The following CCDC88A variants were observed in gnomAD, a reference collection of about 807,000 sequenced individuals.
The protein encoded by CCDC88A is coiled-coil and HOOK domain protein 88A.
A neutral mutation model predicts 234.3 loss-of-function variants in CCDC88A; 54 were observed. That is an observed-to-expected ratio of 0.23 (90% confidence interval 0.19 to 0.29). CCDC88A has a LOEUF of 0.29. CCDC88A is among the 10% of genes least tolerant of loss of function. The pLI, the probability that CCDC88A is intolerant of heterozygous loss-of-function variation, is 1.00. For synonymous variants in CCDC88A, 753 were observed against 737.8 expected, an observed-to-expected ratio of 1.02 and a Z score of -0.33; for missense variants, 1,832 against 2,123.4, an observed-to-expected ratio of 0.86 and a Z score of 2.70.
chr2:55,338,188 C>A (rs1054218667), intron 13 of CCDC88A, among the ~76,000 whole-genome samples: 2 of 152,176 alleles, frequency 1.3e-5, no homozygotes, highest in East Asian at 1.9e-4. Flanking sequence ...ATTTTAATGA[C>A]AACCAAAATA....
intron 22 of CCDC88A, 98 bp downstream of exon 22, chr2:55,315,830 A>C: frequency 1.6e-6 from 1 of 622,730 alleles, no homozygotes; most frequent in Non-Finnish European, 2.6e-6. Flanking sequence ...ATGCCACTAA[A>C]TATATACTAG....
intron 19 of CCDC88A, 74 bp downstream of exon 19, chr2:55,318,769 A>C: frequency 1.7e-6 from 2 of 1,185,296 alleles, no homozygotes; most frequent in Non-Finnish European, 2.3e-6. Context: ...CAATGTTTCC[A>C]TGTTTACCCT....
Position 55,362,383 on chromosome 2 carries a change from C to G in CCDC88A, c.552G>C (p.Glu184Asp), listed in dbSNP as rs1471177664. The G allele has an allele frequency of 2.5e-6, 4 of 1,602,864 alleles. No homozygotes were observed. Among genetic ancestry groups the G allele is most frequent in the Non-Finnish European group, 1.7e-6 (2 of 1,174,702 alleles). Reference protein sequence around the residue: ...QWMEVTDMSQEDIEPLLKNMA... With the variant: ...QWMEVTDMSQDDIEPLLKNMA... ...TATTTTTCAAGAGTGGTTCTATGTC[C>G]TCCTGCGACATATCAGTCACTTCCA... Residue 184 changes from glutamate (E) to aspartate (D), a missense_variant, in exon 7 of 33, where the codon GAG becomes GAC. Glu to Asp is a conservative substitution (Grantham distance 45). Transcript: ENST00000436346.
In CCDC88A at chr2:55,390,053, A is replaced by AAAGAAAG. The variant is rs1553431398; in HGVS notation, c.165-1168_165-1167insCTTTCTT. Among the ~76,000 whole-genome samples the AAAGAAAG allele has an allele frequency of 5.0e-5, 4 of 79,770 alleles. 1 individual carries two copies. The highest frequency in any genetic ancestry group is 8.1e-4 in the South Asian group (2 of 2,474). The allele number at this position is 79,770 out of a possible 152,430, so 52.3% of individuals were successfully genotyped here. The stretch of plus-strand genomic sequence containing the variant: ...GAGACTCAAAAAAAAAAAAAAATAA[A>AAAGAAAG]AAATAAAGATAGAACATTTCAAAGT... On this transcript the variant is annotated intron_variant, in intron 2 of 32. Transcript: ENST00000436346.
chr2:55,400,759 C>T (rs1678475128), intron 2 of CCDC88A, among the ~76,000 whole-genome samples: 1 of 152,090 alleles, frequency 6.6e-6, no homozygotes, highest in Admixed American at 6.6e-5. Flanking sequence ...AGAATGTAAA[C>T]CTGTTGTATG....
At chr2:55,386,905 C>T (rs991092318) in intron 3 of CCDC88A, among the ~76,000 whole-genome samples, 15 of 151,538 alleles carry the variant, frequency 9.9e-5, no homozygotes, top group Non-Finnish European at 1.6e-4. Flanking sequence ...GCTGGGCGCA[C>T]GGCTCATGCC....
At chr2:55,405,276 T>C (rs969509257) in intron 2 of CCDC88A, 3 of 152,122 alleles carry the variant, frequency 2.0e-5, no homozygotes, top group Non-Finnish European at 4.4e-5. Context: ...CACAGATAGG[T>C]TTCCCTGACT....
At chr2:55,381,985 T>A (rs1027064691) in intron 3 of CCDC88A, among the ~76,000 whole-genome samples, 5 of 152,208 alleles carry the variant, frequency 3.3e-5, no homozygotes, top group African/African-American at 4.8e-5. Flanking sequence ...TATCTGTCAG[T>A]TTATCCATGT....
At chr2:55,384,770 C>T (rs1378186278) in intron 3 of CCDC88A, among the ~76,000 whole-genome samples, 1 of 151,252 alleles carries the variant, frequency 6.6e-6, no homozygotes, top group African/African-American at 2.4e-5. Flanking sequence ...AATTCGTGCG[C>T]CTCAGCCTCC....
rs1679804040 is a variant in CCDC88A at position 55,294,600 on chromosome 2, AC to A, written c.5551+996del. The stretch of plus-strand genomic sequence containing the variant: ...ACTGTACATATGTAATATAAAGTAC[AC>A]ATTCTGGAAGAAAAAAAGGAGTGAC... On this transcript the variant is annotated intron_variant, in intron 31 of 32. Coordinates refer to ENST00000436346, the MANE Select transcript of CCDC88A (RefSeq NM_001365480.1). The A allele has an allele frequency of 4.0e-6, 4 of 988,126 alleles. No individual in the cohort carries two copies. The South Asian group carries it at 1.4e-4, about 34-fold the overall frequency. 61.2% of individuals were successfully genotyped at this position (988,126 alleles called of 1,614,324 possible). A position where few individuals can be genotyped will look rare whatever the true frequency, so the allele number is the denominator to read the frequency against.
At chr2:55,391,044 C>T (rs941839061) in intron 2 of CCDC88A, among the ~76,000 whole-genome samples, 3 of 152,204 alleles carry the variant, frequency 2.0e-5, no homozygotes, top group African/African-American at 7.2e-5. Flanking sequence ...TAACCTAAAA[C>T]TCCACAAGGC....
intron 29 of CCDC88A, among the ~76,000 whole-genome samples, chr2:55,299,084 G>A (rs977934129): frequency 1.1e-4 from 17 of 151,808 alleles, no homozygotes; most frequent in South Asian, 2.1e-4. Context: ...GGCACCTGCC[G>A]TTCCAGCTAC....
At chr2:55,299,344 A>G (rs1379875812) in intron 29 of CCDC88A, among the ~76,000 whole-genome samples, 1 of 152,246 alleles carries the variant, frequency 6.6e-6, no homozygotes, top group African/African-American at 2.4e-5. Flanking sequence ...AAAATCTTGA[A>G]ATAATTCCTT....
At position 55,328,490 on chromosome 2, in the gene CCDC88A, A is replaced by C. The variant is rs1245160744; in HGVS notation, c.2856-55T>G. On this transcript the variant is annotated intron_variant, in intron 16 of 32. Transcript: ENST00000436346. The surrounding 1 kb of genome is among the most constrained non-coding windows in gnomAD (Gnocchi z 4.3). ...TATTGGAGGTCAGAAAATTATTTTT[A>C]AAGATAATTTATGACCACAAATATT... 1.6e-6 allele frequency: 2 copies of C among 1,289,696 alleles called. No homozygotes were observed. Among genetic ancestry groups the C allele is most frequent in the African/African-American group, 3.1e-5 (2 of 64,220 alleles). 79.9% of individuals were successfully genotyped at this position (1,289,696 alleles called of 1,614,324 possible).
At chr2:55,378,795 G>C (rs1674118628) in intron 3 of CCDC88A, among the ~76,000 whole-genome samples, 1 of 150,690 alleles carries the variant, frequency 6.6e-6, no homozygotes, top group Admixed American at 6.6e-5. Flanking sequence ...ACCCAGGCTG[G>C]AGTGCAGTGG....
At chr2:55,291,955 T>G (rs1334991566) in intron 31 of CCDC88A, 180 bp from the exon 32 acceptor site, 1 of 478,176 alleles carries the variant, frequency 2.1e-6, no homozygotes, top group African/African-American at 2.0e-5. Flanking sequence ...TTTAAAGCTA[T>G]AAGTAATATT....
rs763396854 is a variant in CCDC88A at position 55,374,844 on chromosome 2, C to T, written c.313G>A (p.Val105Ile). ...QQLIMMSLPN[V>I]LIIGKNPFSE... ...AAGGGATTTTTGCCAATGATTAAGACATTTGGCAACGACATCATGATCAAT... is the reference window on the plus strand; with the variant it reads ...AAGGGATTTTTGCCAATGATTAAGATATTTGGCAACGACATCATGATCAAT... Residue 105 changes from valine to isoleucine, a missense_variant, in exon 4 of 33, where the codon GTC (valine) becomes ATC (isoleucine). Coordinates refer to ENST00000436346, the MANE Select transcript of CCDC88A (RefSeq NM_001365480.1). The T allele has an allele frequency of 6.2e-7, 1 of 1,608,546 alleles. No individual in the cohort carries two copies. The highest frequency in any genetic ancestry group is 8.5e-7 in the Non-Finnish European group (1 of 1,175,800).
In CCDC88A at chr2:55,374,930, A is replaced by G. The variant is rs767874957; in HGVS notation, c.274-47T>C. On this transcript the variant is annotated intron_variant, in intron 3 of 32. Coordinates refer to ENST00000436346, the MANE Select transcript of CCDC88A (RefSeq NM_001365480.1). ...TTGTTATATGGGTAATGCTAACTAG[A>G]TAATTATTCATCAAGCTATAACTTA... is the stretch of plus-strand genomic sequence containing the variant. 2.6e-5 allele frequency: 28 copies of G among 1,072,330 alleles called. 1 individual carries two copies. The highest frequency in any genetic ancestry group is 4.1e-4 in the Middle Eastern group (2 of 4,908). The allele number at this position is 1,072,330 out of a possible 1,614,324, so 66.4% of individuals were successfully genotyped here.
intron 18 of CCDC88A, among the ~76,000 whole-genome samples, chr2:55,322,053 T>C (rs961267192): frequency 1.3e-5 from 2 of 152,182 alleles, no homozygotes; most frequent in Admixed American, 6.5e-5. Context: ...CAAGTATATA[T>C]TGAACTAATT....
Sources: allele counts gnomAD v4.1 joint callset (sites outside exome capture counted in the v4.1 genomes callset), GRCh38; gene constraint gnomAD v4.1.1; non-coding constraint Gnocchi (gnomAD v3.1); transcripts MANE v1.5; gene names NCBI Gene and HGNC (gene_info 2026-07-23, HGNC 2026-07-21).